The following ZNF254 variants were observed in gnomAD, a reference collection of about 807,000 sequenced individuals.
ZNF254 encodes CTD-2017D11.1.
ZNF254 carries 10 observed loss-of-function variants against 12.4 expected under a neutral mutation model. That is an observed-to-expected ratio of 0.80 (90% CI 0.50 to 1.36). The LOEUF (loss-of-function observed/expected upper bound fraction) is 1.36. ZNF254 is among the 40% of genes most tolerant of loss of function. The probability of loss-of-function intolerance (pLI) is 0.00; values close to 1 mark genes in which losing one functional copy is unlikely to be tolerated. For missense variants in ZNF254, 996 were observed against 763.9 expected (o/e 1.30, Z -3.58); for synonymous variants, 305 against 253.4 (o/e 1.20, Z -1.93).
chr19:24,112,332 A>T (rs1246762758), intron 3 of ZNF254, among the ~76,000 whole-genome samples: 1 of 139,882 alleles, frequency 7.1e-6, no homozygotes, highest in Non-Finnish European at 1.6e-5. Context: ...TACCAGTACC[A>T]TGCTGTTTTG....
Position 24,126,493 on chromosome 19 carries a change from A to T in ZNF254, c.493A>T (p.Lys165Ter), listed in dbSNP as rs777838320. ...TGATAAATATTTGAAAGTCTTCTAT[A>T]AATTTTTAAATTCAAACAGACCTAA... ...QCDKYLKVFY[K>*]FLNSNRPKIR... The change falls in exon 4 of 4, where the codon AAA becomes TAA. Residue 165 changes from lysine (K) to a stop codon, truncating the protein, a stop_gained. Transcript: ENST00000357002. LOFTEE classifies it low-confidence loss of function (END_TRUNC). The T allele has an allele frequency of 6.3e-7, 1 of 1,587,174 alleles. No homozygotes were observed. Among genetic ancestry groups the T allele is most frequent in the Non-Finnish European group, 8.5e-7 (1 of 1,171,878 alleles).
At chr19:24,045,966 C>T (rs62113746) in intron 1 of ZNF254, among the ~76,000 whole-genome samples, 1 of 151,940 alleles carries the variant, frequency 6.6e-6, no homozygotes, top group African/African-American at 2.4e-5. Flanking sequence ...CCAGCCCTCC[C>T]CCTTAGTTTT....
chr19:24,117,930 A>G (rs1457545316), intron 3 of ZNF254, among the ~76,000 whole-genome samples: 1 of 152,104 alleles, frequency 6.6e-6, no homozygotes, highest in African/African-American at 2.4e-5. Context: ...ATATAGATTC[A>G]TAAATGTAAT....
At chr19:24,050,378 T>C (rs1568427107) in intron 2 of ZNF254, among the ~76,000 whole-genome samples, 1 of 152,134 alleles carries the variant, frequency 6.6e-6, no homozygotes, top group Non-Finnish European at 1.5e-5. Context: ...CAGGCCGATA[T>C]CAAACTCCTG....
chr19:24,083,841 T>C (rs1245757642), upstream of ZNF254, among the ~76,000 whole-genome samples: 1 of 152,166 alleles, frequency 6.6e-6, no homozygotes, highest in Non-Finnish European at 1.5e-5. Flanking sequence ...AAATAATGCA[T>C]GTTCGCATGG....
rs879383135 is a variant in ZNF254, at chr19:24,044,778, CA to C, written c.-189-1403del. Among the ~76,000 whole-genome samples the C allele has an allele frequency of 1.3e-4, 20 of 152,168 alleles. 1 individual carries two copies. The highest frequency in any genetic ancestry group is 1.2e-3 in the Admixed American group (19 of 15,278). On this transcript the variant is annotated intron_variant, in intron 1 of 4. Transcript: ENST00000613065. Reference sequence around the variant, plus strand: ...TTAACTTTCTTATTTCATCTTGGGTCAAATTAGGAACTCTGCCCTTGACTGC... The same window carrying C: ...TTAACTTTCTTATTTCATCTTGGGTCAATTAGGAACTCTGCCCTTGACTGC...
At chr19:24,121,021 G>A (rs1186246491) in intron 3 of ZNF254, among the ~76,000 whole-genome samples, 1 of 151,212 alleles carries the variant, frequency 6.6e-6, no homozygotes. Flanking sequence ...TTACAGGCAT[G>A]AGCCACAGTG....
intron 1 of ZNF254, among the ~76,000 whole-genome samples, chr19:24,089,397 C>G (rs1349964297): frequency 6.6e-6 from 1 of 152,092 alleles, no homozygotes; most frequent in Non-Finnish European, 1.5e-5. Flanking sequence ...TGTAAAATAT[C>G]TCTGCGTTTT....
intron 3 of ZNF254, among the ~76,000 whole-genome samples, chr19:24,115,442 G>A (rs1018245085): frequency 1.3e-4 from 18 of 140,610 alleles, no homozygotes; most frequent in East Asian, 8.1e-4. Flanking sequence ...ACCAAACACC[G>A]CATATTCCCA....
At chr19:24,087,856 TAAAG>T (rs1972121394) in intron 1 of ZNF254, among the ~76,000 whole-genome samples, 1 of 151,166 alleles carries the variant, frequency 6.6e-6, no homozygotes, top group African/African-American at 2.4e-5. Flanking sequence ...AGGTTCATGA[TAAAG>T]AAAACCAAAT....
intron 2 of ZNF254, among the ~76,000 whole-genome samples, chr19:24,059,440 T>C (rs916883018): frequency 6.6e-6 from 1 of 152,206 alleles, no homozygotes; most frequent in African/African-American, 2.4e-5. Context: ...CCCTAAGTTA[T>C]GTTACTCTGC....
chr19:24,082,728 C>T (rs1005081275), upstream of ZNF254, among the ~76,000 whole-genome samples: 1 of 150,834 alleles, frequency 6.6e-6, no homozygotes. Context: ...AGCTTTGCCC[C>T]GACCACCTTG....
At chr19:24,102,526 CTTAT>C (rs1365551408) in intron 1 of ZNF254, among the ~76,000 whole-genome samples, 1 of 151,830 alleles carries the variant, frequency 6.6e-6, no homozygotes, top group Non-Finnish European at 1.5e-5. Context: ...TTTTGAAGGC[CTTAT>C]TTAAGTCTTG....
upstream of ZNF254, among the ~76,000 whole-genome samples, chr19:24,085,408 G>GTACATATATATATATATATATATA (rs1971989396): frequency 3.1e-5 from 1 of 32,710 alleles, no homozygotes; most frequent in Non-Finnish European, 5.4e-5. Flanking sequence ...TTTGTTAAGG[G>GTACATATATATATATATATATATA]TATATATATA....
intron 2 of ZNF254, chr19:24,079,890 C>A (rs1204893065): frequency 6.6e-6 from 1 of 152,150 alleles, no homozygotes; most frequent in East Asian, 1.9e-4. Flanking sequence ...TATGAAAAAA[C>A]CTGTTAACAA....
intron 1 of ZNF254, among the ~76,000 whole-genome samples, chr19:24,041,999 C>G (rs1405546519): frequency 1.5e-4 from 21 of 138,982 alleles, no homozygotes; most frequent in Admixed American, 1.2e-3. Flanking sequence ...GTGCACCAGT[C>G]GACACTCTGT....
At chr19:24,041,277 C>G (rs554044565) in intron 1 of ZNF254, among the ~76,000 whole-genome samples, 2 of 152,224 alleles carry the variant, frequency 1.3e-5, no homozygotes, top group African/African-American at 4.8e-5. Context: ...TGGCCAAGGC[C>G]GGAGCCCACT....
At chr19:24,048,025 T>G (rs1226126771) in intron 2 of ZNF254, among the ~76,000 whole-genome samples, 7 of 145,466 alleles carry the variant, frequency 4.8e-5, no homozygotes, top group Admixed American at 1.4e-4. Flanking sequence ...TTTTTTTTTT[T>G]TGCGTTAGTC....
At chr19:24,120,673 T>C (rs1362509197) in intron 3 of ZNF254, among the ~76,000 whole-genome samples, 2 of 151,974 alleles carry the variant, frequency 1.3e-5, no homozygotes, top group Admixed American at 6.6e-5. Context: ...GTTGTTGTTG[T>C]TGTTGTTGAG....
Sources: allele counts gnomAD v4.1 joint callset (sites outside exome capture counted in the v4.1 genomes callset), GRCh38; gene constraint gnomAD v4.1.1; transcripts MANE v1.5; gene names NCBI Gene and HGNC (gene_info 2026-07-23, HGNC 2026-07-21).